The following LINGO2 variants were observed in gnomAD, a reference collection of about 807,000 sequenced individuals.
The protein encoded by LINGO2 is leucine rich repeat and Ig domain containing 2.
In LINGO2, 14 loss-of-function variants were observed where a neutral mutation model predicts 30.6. That is an observed-to-expected ratio of 0.46 (90% CI 0.30 to 0.72). The LOEUF is 0.72. Among genes scored for constraint, LINGO2 ranks in the 30% least tolerant of loss-of-function variants. The pLI is 0.07. For missense variants in LINGO2, 729 were observed against 751.7 expected (o/e 0.97, Z 0.35); for synonymous variants, 317 against 288.5 (o/e 1.10, Z -1.00).
chr9:27,957,483 AG>A (rs1819631105), intron 5 of LINGO2, among the ~76,000 whole-genome samples: 1 of 152,060 alleles, frequency 6.6e-6, no homozygotes, highest in East Asian at 1.9e-4. Flanking sequence ...TAGTAGAGAC[AG>A]GGTTTCAACA....
intron 1 of LINGO2, among the ~76,000 whole-genome samples, chr9:28,616,145 G>T (rs1222838707): frequency 6.6e-6 from 1 of 151,968 alleles, no homozygotes; most frequent in Non-Finnish European, 1.5e-5. Context: ...ACTTTTCCAG[G>T]TATATGCTAT....
At chr9:28,202,346 T>C (rs957614831) in intron 4 of LINGO2, among the ~76,000 whole-genome samples, 2 of 152,092 alleles carry the variant, frequency 1.3e-5, no homozygotes, top group African/African-American at 4.8e-5. Flanking sequence ...ACAGACACCA[T>C]TTGTAACAAA....
At chr9:28,634,562 T>C (rs1269408595) in intron 1 of LINGO2, among the ~76,000 whole-genome samples, 2 of 148,060 alleles carry the variant, frequency 1.4e-5, no homozygotes, top group Non-Finnish European at 3.0e-5. Flanking sequence ...CTCAGCTCAC[T>C]GCAACCACCG....
the LINGO2 span, among the ~76,000 whole-genome samples, chr9:28,880,579 T>A: frequency 5.0e-4 from 76 of 152,264 alleles, no homozygotes; most frequent in East Asian, 0.014. Context: ...CCCCATGTGA[T>A]AGTCTGAAAT....
intron 5 of LINGO2, among the ~76,000 whole-genome samples, chr9:27,998,791 A>T (rs1474614106): frequency 6.6e-6 from 1 of 152,182 alleles, no homozygotes; most frequent in Admixed American, 6.5e-5. Flanking sequence ...ACTGTCTCAA[A>T]AAAACAGAAC....
the LINGO2 span, among the ~76,000 whole-genome samples, chr9:29,063,598 C>T: frequency 6.6e-6 from 1 of 151,812 alleles, no homozygotes; most frequent in South Asian, 2.1e-4. Flanking sequence ...GGGGGTTTCA[C>T]CATATTGGCC....
intron 3 of LINGO2, among the ~76,000 whole-genome samples, chr9:28,346,849 T>TG (rs1819597555): frequency 6.6e-6 from 1 of 152,110 alleles, no homozygotes; most frequent in African/African-American, 2.4e-5. Flanking sequence ...GAGAAGTGTC[T>TG]GTTTATGTCC....
chr9:28,322,237 G>A (rs1825069873), intron 3 of LINGO2, among the ~76,000 whole-genome samples: 1 of 152,052 alleles, frequency 6.6e-6, no homozygotes, highest in African/African-American at 2.4e-5. Context: ...CTGATCATTT[G>A]GATGACAGCA....
At chr9:28,799,141 T>C in the LINGO2 span, among the ~76,000 whole-genome samples, 1 of 152,048 alleles carries the variant, frequency 6.6e-6, no homozygotes, top group Non-Finnish European at 1.5e-5. Flanking sequence ...ATCATAAAAA[T>C]AGTCCACACA....
the LINGO2 span, among the ~76,000 whole-genome samples, chr9:28,859,353 A>G: frequency 1.3e-5 from 2 of 152,016 alleles, no homozygotes; most frequent in African/African-American, 4.8e-5. Context: ...CATGAAAATA[A>G]AAGGTTGATA....
At chr9:27,981,953 G>C (rs374470603) in intron 5 of LINGO2, among the ~76,000 whole-genome samples, 6 of 151,830 alleles carry the variant, frequency 4.0e-5, no homozygotes, top group Admixed American at 3.9e-4. Flanking sequence ...GACCAGGAAA[G>C]AATTCAAAAG....
intron 2 of LINGO2, among the ~76,000 whole-genome samples, chr9:28,459,601 C>T (rs934433901): frequency 5.9e-5 from 9 of 151,758 alleles, no homozygotes; most frequent in Admixed American, 5.9e-4. Context: ...ATCTAGGGTC[C>T]CATGTAGACT....
intron 4 of LINGO2, among the ~76,000 whole-genome samples, chr9:28,106,986 G>T (rs930149727): frequency 6.6e-6 from 1 of 152,088 alleles, no homozygotes; most frequent in African/African-American, 2.4e-5. Context: ...TTTCCATGGT[G>T]TTTCTTTACC....
At chr9:28,243,125 T>C (rs993239531) in intron 4 of LINGO2, among the ~76,000 whole-genome samples, 2 of 152,044 alleles carry the variant, frequency 1.3e-5, no homozygotes, top group African/African-American at 4.8e-5. Flanking sequence ...CATAACAATA[T>C]TAACCTTAAA....
intron 1 of LINGO2, among the ~76,000 whole-genome samples, chr9:28,615,204 T>G (rs1563865618): frequency 6.6e-6 from 1 of 152,156 alleles, no homozygotes; most frequent in Non-Finnish European, 1.5e-5. Context: ...CTAGAATATC[T>G]TGGTCATTGA....
intron 4 of LINGO2, among the ~76,000 whole-genome samples, chr9:28,290,758 T>C (rs1225898667): frequency 6.6e-6 from 1 of 152,014 alleles, no homozygotes; most frequent in Non-Finnish European, 1.5e-5. Flanking sequence ...TGATACTTTA[T>C]TTTTTTTCAG....
chr9:28,288,975 C>T (rs1823620812), intron 4 of LINGO2, among the ~76,000 whole-genome samples: 1 of 152,124 alleles, frequency 6.6e-6, no homozygotes, highest in Admixed American at 6.5e-5. Context: ...CTTAATGTTG[C>T]TTCTATGTAT....
At position 28,147,274 on chromosome 9, in the gene LINGO2, A is replaced by T. The variant is rs1298035165; in HGVS notation, c.-86-134869T>A. 1.3e-5 allele frequency among the ~76,000 whole-genome samples: 2 copies of T among 152,236 alleles called. No individual in the cohort carries two copies. Among genetic ancestry groups the T allele is most frequent in the Non-Finnish European group, 2.9e-5 (2 of 68,026 alleles). On this transcript the variant is annotated intron_variant, in intron 4 of 5. Transcript: ENST00000379992. The surrounding 1 kb of genome is among the most constrained non-coding windows in gnomAD (Gnocchi z 4.7). ...CAGAGCGCCAGCTGTGGAATCGCAC[A>T]GCCTGGGTTCAAAGCCTGGCTGGGC...
chr9:28,981,270 C>T, the LINGO2 span, among the ~76,000 whole-genome samples: 1,053 of 152,168 alleles, frequency 6.9e-3, 16 homozygotes, highest in African/African-American at 0.024. Flanking sequence ...GGCAGGAACA[C>T]GTAGCTACTG....
Sources: gnomAD v4.1 joint callset for allele counts (sites outside exome capture counted in the v4.1 genomes callset) on GRCh38, gnomAD v4.1.1 for gene constraint, Gnocchi (gnomAD v3.1) non-coding constraint, MANE v1.5 for transcripts, NCBI Gene and HGNC (gene_info 2026-07-23, HGNC 2026-07-21) for gene names.